Variants in ABCB11 observed in about 807,000 individuals in gnomAD.
ABCB11 encodes the protein bile salt export pump.
In ABCB11, 95 loss-of-function variants were observed where a neutral mutation model predicts 148.0. The observed-to-expected ratio is 0.64, with a 90% CI of 0.54 to 0.76. The LOEUF is 0.76. Ranked by LOEUF, ABCB11 falls within the 30% of genes least tolerant of loss-of-function variation. ABCB11 has a pLI of 0.00. For synonymous variants in ABCB11, 591 were observed against 555.4 expected, an observed-to-expected ratio of 1.06 and a Z score of -0.90; for missense variants, 1,523 against 1,617.8, an observed-to-expected ratio of 0.94 and a Z score of 1.01.
At chr2:169,002,752 T>G (rs1255737758) in intron 5 of ABCB11, among the ~76,000 whole-genome samples, 1 of 151,770 alleles carries the variant, frequency 6.6e-6, no homozygotes, top group Non-Finnish European at 1.5e-5. Flanking sequence ...AAGCAGAGAG[T>G]AAAATGGTAG....
intron 2 of ABCB11, among the ~76,000 whole-genome samples, chr2:169,017,386 G>A (rs1045200796): frequency 5.9e-5 from 9 of 152,116 alleles, no homozygotes; most frequent in African/African-American, 1.7e-4. Context: ...CCACTAGGGA[G>A]CTTTGTCATT....
At chr2:168,998,220 G>A (rs1214735413) in intron 5 of ABCB11, among the ~76,000 whole-genome samples, 1 of 151,950 alleles carries the variant, frequency 6.6e-6, no homozygotes, top group South Asian at 2.1e-4. Context: ...TTGTTTTGGG[G>A]TGTCCCAAAC....
At chr2:169,022,105 A>G (rs1695558749) in intron 1 of ABCB11, among the ~76,000 whole-genome samples, 1 of 152,004 alleles carries the variant, frequency 6.6e-6, no homozygotes, top group Admixed American at 6.5e-5. Flanking sequence ...TATGGTGATA[A>G]ATATGTAAAA....
chr2:168,955,276 T>A (rs1393419558), intron 19 of ABCB11, among the ~76,000 whole-genome samples: 1 of 151,674 alleles, frequency 6.6e-6, no homozygotes, highest in African/African-American at 2.4e-5. Context: ...GGTATCTCTA[T>A]TAAACTGTTC....
rs546605952 is a variant in ABCB11 at position 168,957,449 on chromosome 2, G to A, written c.2343+515C>T. ...TCTAGGAAGTGAAAAATTGGAATAA[G>A]CTTAGTTTTCAATCATGCCTTATTT... On this transcript the variant is annotated intron_variant, in intron 19 of 27. Transcript: ENST00000650372. Among the ~76,000 whole-genome samples, 6 of 151,762 alleles carry A rather than the reference G, an allele frequency of 4.0e-5. No homozygotes were observed. In the South Asian group the frequency reaches 8.3e-4, roughly 21 times the overall value.
chr2:168,937,093 C>T (rs910451683), intron 21 of ABCB11, among the ~76,000 whole-genome samples: 9 of 151,764 alleles, frequency 5.9e-5, no homozygotes, highest in Middle Eastern at 3.2e-3. Flanking sequence ...CACTATGTTG[C>T]CCAGGCTGGT....
Position 168,923,793 on chromosome 2 carries a change from T to C in ABCB11, c.3795A>G (p.Arg1265=). The C allele has an allele frequency of 6.2e-7, 1 of 1,613,974 alleles. No individual in the cohort carries two copies. The highest frequency in any genetic ancestry group is 8.5e-7 in the Non-Finnish European group (1 of 1,179,882). Residue 1265 remains arginine (R), a synonymous_variant, in exon 28 of 28, where the codon AGA becomes AGG. Transcript: ENST00000650372. ...CAATGACAATGCAGGTCCGACCCTC[T>C]CTGGCTTTGTCTAGAGCAACCTGCA... The part of the protein sequence containing the change: ...KTVQVALDKA[R]EGRTCIVIAH...
At chr2:169,030,323 C>CA (rs1189929471) in intron 1 of ABCB11, among the ~76,000 whole-genome samples, 1 of 151,958 alleles carries the variant, frequency 6.6e-6, no homozygotes. Context: ...CAGAGACAAT[C>CA]ACAGTGTTAC....
Position 168,930,693 on chromosome 2 carries a change from C to T in ABCB11, c.3383G>A (p.Arg1128His), listed in dbSNP as rs756220860. ...GKSTSIQLLE[R>H]FYDPDQGKVM... ...CTTCCCTTGATCAGGATCATAGAAA[C>T]GTTCCAACAGCTGAATGCTAGTGCT... is the stretch of plus-strand genomic sequence containing the variant. The change falls in exon 25 of 28, where the codon CGT becomes CAT. Residue 1128 changes from arginine (R) to histidine (H), a missense_variant. Transcript: ENST00000650372. 4.4e-6 allele frequency: 7 copies of T among 1,575,166 alleles called. No homozygotes were observed. The highest frequency in any genetic ancestry group is 1.4e-5 in the African/African-American group (1 of 73,932).
At chr2:168,991,972 A>T (rs1694539168) in intron 8 of ABCB11, among the ~76,000 whole-genome samples, 1 of 151,234 alleles carries the variant, frequency 6.6e-6, no homozygotes, top group African/African-American at 2.4e-5. Context: ...TGGGTATCCG[A>T]GACTATAGGC....
At chr2:169,029,724 C>CTTTTTTTTTTTTTTTTTTT (rs1166356679) in intron 1 of ABCB11, among the ~76,000 whole-genome samples, 1 of 88,300 alleles carries the variant, frequency 1.1e-5, no homozygotes, top group African/African-American at 5.7e-5. Flanking sequence ...GTTCTTTCCT[C>CTTTTTTTTTTTTTTTTTTT]TTTTTTTTTT....
intron 10 of ABCB11, among the ~76,000 whole-genome samples, chr2:168,980,333 T>C (rs1694091247): frequency 6.6e-6 from 1 of 152,070 alleles, no homozygotes; most frequent in South Asian, 2.1e-4. Context: ...TAATCAGCCT[T>C]ATAGTGATTT....
rs367713824 is a variant in ABCB11 at position 168,969,371 on chromosome 2, G to A, written c.1990C>T (p.Leu664Phe). 2.0e-5 allele frequency: 33 copies of A among 1,612,110 alleles called. 1 individual carries two copies. In the South Asian group the frequency reaches 2.2e-4, roughly 11 times the overall value. Residue 664 changes from leucine (L) to phenylalanine (F), a missense_variant, in exon 16 of 28, where the codon CTT becomes TTT. Coordinates refer to ENST00000650372, the MANE Select transcript of ABCB11 (RefSeq NM_003742.4). ...TTGCCCTTTATGTCCTCTTCATTAA[G>A]AGCTTGATTTCCCTGGCTTTGCAAA... ...VTLQSQGNQA[L>F]NEEDIKDATE...
At chr2:169,023,936 C>G (rs1234313414) in intron 1 of ABCB11, among the ~76,000 whole-genome samples, 1 of 152,064 alleles carries the variant, frequency 6.6e-6, no homozygotes, top group South Asian at 2.1e-4. Flanking sequence ...AAGGAGGTAA[C>G]TTGGTGTTCA....
chr2:168,956,990 C>T (rs1692826076), intron 19 of ABCB11, among the ~76,000 whole-genome samples: 1 of 151,658 alleles, frequency 6.6e-6, no homozygotes, highest in African/African-American at 2.4e-5. Flanking sequence ...ATTTCTGGTG[C>T]TTCCCATCCC....
intron 12 of ABCB11, among the ~76,000 whole-genome samples, chr2:168,976,305 C>A (rs141187269): frequency 9.1e-4 from 139 of 152,264 alleles, no homozygotes; most frequent in Middle Eastern, 3.4e-3. Context: ...ACCTGCCACT[C>A]ATTTCAACAG....
At chr2:169,011,976 C>G (rs1382579187) in intron 5 of ABCB11, among the ~76,000 whole-genome samples, 1 of 152,062 alleles carries the variant, frequency 6.6e-6, no homozygotes, top group Non-Finnish European at 1.5e-5. Context: ...GGACCATGCT[C>G]TTAAGACAAC....
At chr2:168,941,417 A>G (rs2685811) in intron 21 of ABCB11, among the ~76,000 whole-genome samples, 74,545 of 151,818 alleles carry the variant, frequency 0.49, 19,352 homozygotes, top group South Asian at 0.66. Context: ...TGACTTTGAG[A>G]GTTCAAGACT....
chr2:168,943,564 G>C lies in ABCB11; in HGVS notation c.2610+1041C>G, dbSNP rs186479880. Among the ~76,000 whole-genome samples the C allele has an allele frequency of 5.9e-5, 9 of 151,996 alleles. No homozygotes were observed. In the East Asian group the frequency reaches 1.7e-3, roughly 30 times the overall value. Reference sequence around the variant, plus strand: ...TATGTTCACCTTAGATTATTTCAGGGGAAACAAGAAAGACTGCAACACATA... The same window carrying C: ...TATGTTCACCTTAGATTATTTCAGGCGAAACAAGAAAGACTGCAACACATA... On this transcript the variant is annotated intron_variant, in intron 21 of 27. Coordinates refer to ENST00000650372, the MANE Select transcript of ABCB11 (RefSeq NM_003742.4).
Sources: gnomAD v4.1 joint callset for allele counts (sites outside exome capture counted in the v4.1 genomes callset) on GRCh38, gnomAD v4.1.1 for gene constraint, MANE v1.5 for transcripts, NCBI Gene and HGNC (gene_info 2026-07-23, HGNC 2026-07-21) for gene names.